The following FMNL2 variants were observed in gnomAD, a reference collection of about 807,000 sequenced individuals.
FMNL2 encodes formin-like protein 2.
A neutral mutation model predicts 130.2 loss-of-function variants in FMNL2; 51 were observed. That is an observed-to-expected ratio of 0.39 (90% CI 0.31 to 0.49). FMNL2 has a LOEUF of 0.49. Among genes scored for constraint, FMNL2 ranks in the 20% least tolerant of loss-of-function variants. The pLI is 0.85. For missense variants in FMNL2, 977 were observed against 1,316.2 expected (o/e 0.74, Z 3.99); for synonymous variants, 465 against 467.1 (o/e 1.00, Z 0.06).
chr2:152,568,223 T>TTTTTTTTTGTTTTGTTTTTG lies in FMNL2; in HGVS notation c.597-6905_597-6904insGTTTTGTTTTTGTTTTTTTT, dbSNP rs1553478447. Among the ~76,000 whole-genome samples the TTTTTTTTTGTTTTGTTTTTG allele has an allele frequency of 8.5e-3, 1,122 of 132,266 alleles. 22 individuals are homozygous for TTTTTTTTTGTTTTGTTTTTG. Among genetic ancestry groups the TTTTTTTTTGTTTTGTTTTTG allele is most frequent in the African/African-American group, 0.023 (803 of 34,346 alleles). 86.8% of individuals were successfully genotyped at this position (132,266 alleles called of 152,430 possible). A position where few individuals can be genotyped will look rare whatever the true frequency, so the allele number is the denominator to read the frequency against. On this transcript the variant is annotated intron_variant, in intron 6 of 25. Transcript: ENST00000288670. ...AACGGCTTCCATTTTGGTGGGTTTT[T>TTTTTTTTTGTTTTGTTTTTG]TTTTTTTTTTGAGACGGAGTCTCAC...
At chr2:152,490,616 T>TGTGTGTGG (rs70974867) in intron 1 of FMNL2, among the ~76,000 whole-genome samples, 1 of 142,014 alleles carries the variant, frequency 7.0e-6, no homozygotes, top group Non-Finnish European at 1.5e-5. Context: ...TGTGTGTGTG[T>TGTGTGTGG]TGGATAAACT....
intron 2 of FMNL2, among the ~76,000 whole-genome samples, chr2:152,531,161 T>G (rs1217481996): frequency 3.3e-5 from 5 of 152,186 alleles, no homozygotes; most frequent in African/African-American, 1.2e-4. Flanking sequence ...TGTACCCATA[T>G]TTTCAGATAG....
intron 1 of FMNL2, among the ~76,000 whole-genome samples, chr2:152,359,473 G>C (rs1394811000): frequency 8.6e-6 from 1 of 116,436 alleles, no homozygotes; most frequent in African/African-American, 3.0e-5. Flanking sequence ...CGTTATCTAA[G>C]AGGTAGCCTT....
At position 152,629,651 on chromosome 2, in the gene FMNL2, T is replaced by C. The variant is rs1682035610; in HGVS notation, c.2401-5T>C. ...CCCCTTTTTCTTTCTTTGATTGGAA[T>C]CTAGCAACTACATGCGATTATAGCA... On this transcript the variant is annotated splice_region_variant and splice_polypyrimidine_tract_variant and intron_variant, in intron 18 of 25. Coordinates refer to ENST00000288670, the MANE Select transcript of FMNL2 (RefSeq NM_052905.4). 2 of 1,590,992 alleles carry C rather than the reference T, an allele frequency of 1.3e-6. No homozygotes were observed. The highest frequency in any genetic ancestry group is 2.7e-5 in the African/African-American group (2 of 74,492).
At chr2:152,591,024 T>TTTTTTTTTTTTTTA (rs1558989613) in intron 9 of FMNL2, among the ~76,000 whole-genome samples, 1 of 94,930 alleles carries the variant, frequency 1.1e-5, no homozygotes, top group African/African-American at 4.3e-5. Context: ...TTTTTTTTTT[T>TTTTTTTTTTTTTTA]GAGACAGCAT....
chr2:152,517,564 G>T (rs980510034), intron 1 of FMNL2, among the ~76,000 whole-genome samples: 5 of 152,104 alleles, frequency 3.3e-5, no homozygotes, highest in East Asian at 1.9e-4. Context: ...CTGGAGTAGT[G>T]GGGGGAAGGT....
At chr2:152,644,534 T>G (rs975324386) in intron 25 of FMNL2, among the ~76,000 whole-genome samples, 1 of 152,202 alleles carries the variant, frequency 6.6e-6, no homozygotes, top group South Asian at 2.1e-4. Flanking sequence ...ATCCATAGCT[T>G]TATGTCACCC....
At chr2:152,577,558 T>A (rs1215148897) in intron 7 of FMNL2, among the ~76,000 whole-genome samples, 2 of 152,104 alleles carry the variant, frequency 1.3e-5, no homozygotes, top group Non-Finnish European at 2.9e-5. Context: ...GTCCAAAATA[T>A]GAACTCTAGG....
intron 1 of FMNL2, among the ~76,000 whole-genome samples, chr2:152,419,512 A>G (rs751035181): frequency 3.3e-5 from 5 of 152,200 alleles, no homozygotes; most frequent in Non-Finnish European, 5.9e-5. Flanking sequence ...TCATAGAGGC[A>G]GAAAGTAGAT....
chr2:152,446,690 A>G lies in FMNL2; in HGVS notation c.118-75253A>G, dbSNP rs115574374. On this transcript the variant is annotated intron_variant, in intron 1 of 25. Transcript: ENST00000288670. ...CTAAAGGAAATGGAAGAGAATAGCA[A>G]TTGTGTAAATGTAATACATTATAGA... 8.1e-3 allele frequency among the ~76,000 whole-genome samples: 1,231 copies of G among 152,342 alleles called. 13 individuals carry two copies. The highest frequency in any genetic ancestry group is 0.025 in the African/African-American group (1,029 of 41,580).
intron 1 of FMNL2, among the ~76,000 whole-genome samples, chr2:152,405,104 G>A (rs963703231): frequency 6.6e-6 from 1 of 152,194 alleles, no homozygotes; most frequent in Non-Finnish European, 1.5e-5. Context: ...GCTGTAAATT[G>A]TTGGTGGTCT....
chr2:152,549,806 A>G (rs1464718498), intron 4 of FMNL2, among the ~76,000 whole-genome samples: 1 of 152,198 alleles, frequency 6.6e-6, no homozygotes, highest in Non-Finnish European at 1.5e-5. Context: ...GAATGATATC[A>G]GGTATCCTAT....
Position 152,468,119 on chromosome 2 carries a change from A to C in FMNL2, c.118-53824A>C, listed in dbSNP as rs138084894. On this transcript the variant is annotated intron_variant, in intron 1 of 25. Transcript: ENST00000288670. The stretch of plus-strand genomic sequence containing the variant: ...CTGAATGACAAAGCATAGAGTAGTC[A>C]TGGCTTCAGTGTAGCACTGATACCT... 2.0e-5 allele frequency among the ~76,000 whole-genome samples: 3 copies of C among 152,378 alleles called. No homozygotes were observed. The South Asian group carries it at 6.2e-4, about 32-fold the overall frequency.
intron 1 of FMNL2, among the ~76,000 whole-genome samples, chr2:152,379,835 G>A (rs553733052): frequency 2.6e-5 from 4 of 152,260 alleles, no homozygotes; most frequent in South Asian, 4.2e-4. Flanking sequence ...GTTAACTTCC[G>A]CTACCAGTTT....
At chr2:152,461,265 G>A (rs972270616) in intron 1 of FMNL2, among the ~76,000 whole-genome samples, 5 of 152,014 alleles carry the variant, frequency 3.3e-5, no homozygotes, top group Non-Finnish European at 7.4e-5. Context: ...AACAGATTTC[G>A]GAATTATTTT....
intron 1 of FMNL2, among the ~76,000 whole-genome samples, chr2:152,492,532 AT>A (rs1222750531): frequency 6.6e-6 from 1 of 152,020 alleles, no homozygotes; most frequent in Admixed American, 6.6e-5. Flanking sequence ...CTTTGTAATT[AT>A]TTTTTTCTTG....
At chr2:152,533,567 T>TGC (rs1693826684) in intron 2 of FMNL2, among the ~76,000 whole-genome samples, 6 of 107,600 alleles carry the variant, frequency 5.6e-5, no homozygotes, top group Non-Finnish European at 1.0e-4. Context: ...TTTTTTTTTT[T>TGC]GCTAAATTAT....
chr2:152,447,214 C>A (rs1688393637), intron 1 of FMNL2, among the ~76,000 whole-genome samples: 1 of 151,926 alleles, frequency 6.6e-6, no homozygotes, highest in South Asian at 2.1e-4. Context: ...AATCCTGCTG[C>A]CTCAGCTTCT....
At chr2:152,462,703 A>G (rs532101219) in intron 1 of FMNL2, among the ~76,000 whole-genome samples, 5 of 152,318 alleles carry the variant, frequency 3.3e-5, no homozygotes, top group Admixed American at 2.6e-4. Context: ...TGTGCATTAG[A>G]TGGGGTAGAA....
Sources: allele counts gnomAD v4.1 joint callset (sites outside exome capture counted in the v4.1 genomes callset), GRCh38; gene constraint gnomAD v4.1.1; transcripts MANE v1.5; gene names NCBI Gene and HGNC (gene_info 2026-07-23, HGNC 2026-07-21).